Variants in RGPD4 observed in about 807,000 individuals in gnomAD.
The protein encoded by RGPD4 is ranBP2-like and GRIP domain-containing protein 4.
In RGPD4, 84 loss-of-function variants were observed where a neutral mutation model predicts 141.1. The ratio of observed to expected loss-of-function variants is 0.60; its 90% CI spans 0.50 to 0.71. The LOEUF (loss-of-function observed/expected upper bound fraction) is 0.71, where lower values mean the gene tolerates loss of function less well. Among genes scored for constraint, RGPD4 ranks in the 30% least tolerant of loss-of-function variants. The probability of loss-of-function intolerance (pLI) is 0.00; values close to 1 mark genes in which losing one functional copy is unlikely to be tolerated. For missense variants in RGPD4, 918 were observed against 1,622.4 expected (o/e 0.57, Z 7.46); for synonymous variants, 298 against 566.8 (o/e 0.53, Z 6.74).
Position 107,850,710 on chromosome 2 carries a change from G to A in RGPD4, c.978+2174G>A, listed in dbSNP as rs1203287889. ...CGCCCAGGCTGGAGCACAGTGGCAC[G>A]ACCTCGGCTCACTGCAAGCTCCGCC... On this transcript the variant is annotated intron_variant, in intron 7 of 22. Transcript: ENST00000408999. 1.7e-4 allele frequency among the ~76,000 whole-genome samples: 5 copies of A among 29,870 alleles called. 2 individuals are homozygous for A. Among genetic ancestry groups the A allele is most frequent in the Admixed American group, 1.5e-3 (5 of 3,264 alleles). The allele number at this position is 29,870 out of a possible 152,430, so 19.6% of individuals were successfully genotyped here. A position where few individuals can be genotyped will look rare whatever the true frequency, so the allele number is the denominator to read the frequency against.
At chr2:107,827,547 C>T (rs1456780855) in intron 1 of RGPD4, among the ~76,000 whole-genome samples, 6 of 45,788 alleles carry the variant, frequency 1.3e-4, no homozygotes, top group East Asian at 3.9e-4. Context: ...TCATGGCTCC[C>T]GACGGGCGCT....
intron 1 of RGPD4, among the ~76,000 whole-genome samples, chr2:107,829,929 T>A (rs1230786262): frequency 1.3e-5 from 2 of 151,998 alleles, no homozygotes; most frequent in African/African-American, 4.8e-5. Flanking sequence ...CTCCTTGGCC[T>A]GGAGGAACCC....
rs1188067222 is a variant in RGPD4, at chr2:107,872,148, A to G, written c.4144A>G (p.Ile1382Val). The G allele has an allele frequency of 1.2e-6, 2 of 1,611,624 alleles. No individual in the cohort carries two copies. The highest frequency in any genetic ancestry group is 1.7e-5 in the Admixed American group (1 of 59,986). ...GQWKERGIGD[I>V]KILQNYDNKQ... is the part of the protein sequence containing the mutation. ...ATGGAAAGAAAGGGGCATTGGTGAT[A>G]TAAAGATTTTACAGAATTATGATAA... The change falls in exon 20 of 23, where the codon ATA becomes GTA. Residue 1382 changes from isoleucine to valine, a missense_variant. By Grantham distance (29) the Ile-to-Val change is conservative (BLOSUM62 3). Coordinates refer to ENST00000408999, the MANE Select transcript of RGPD4 (RefSeq NM_182588.3).
intron 21 of RGPD4, among the ~76,000 whole-genome samples, chr2:107,882,135 T>A (rs1675384028): frequency 6.6e-6 from 1 of 151,944 alleles, no homozygotes; most frequent in Non-Finnish European, 1.5e-5. Context: ...TCAACTCCAA[T>A]TTCCATGATA....
At chr2:107,846,599 T>C (rs1681955944) in intron 6 of RGPD4, among the ~76,000 whole-genome samples, 1 of 149,532 alleles carries the variant, frequency 6.7e-6, no homozygotes, top group African/African-American at 2.5e-5. Context: ...CCCAAGTAGC[T>C]GGAATTACAG....
intron 21 of RGPD4, among the ~76,000 whole-genome samples, chr2:107,881,132 A>C (rs1675351283): frequency 6.7e-6 from 1 of 149,566 alleles, no homozygotes; most frequent in Non-Finnish European, 1.5e-5. Flanking sequence ...GCCACTAGCT[A>C]TCCTTGTCAG....
intron 21 of RGPD4, among the ~76,000 whole-genome samples, chr2:107,881,905 C>A (rs1425823707): frequency 6.6e-6 from 1 of 151,724 alleles, no homozygotes; most frequent in Non-Finnish European, 1.5e-5. Context: ...TGATTAAGTG[C>A]CGTTCACTGT....
At chr2:107,860,605 G>C (rs1159208011) in intron 12 of RGPD4, among the ~76,000 whole-genome samples, 161 bp from the exon 13 acceptor site, 1 of 148,864 alleles carries the variant, frequency 6.7e-6, no homozygotes, top group South Asian at 2.1e-4. Context: ...TGGTATTAAG[G>C]TGGTTTAGTT....
chr2:107,863,618 G>A (rs1002285580), intron 17 of RGPD4, among the ~76,000 whole-genome samples: 21 of 151,634 alleles, frequency 1.4e-4, no homozygotes, highest in Non-Finnish European at 2.4e-4. Flanking sequence ...TCAGCCTCCC[G>A]AGTAGCTGGG....
chr2:107,880,112 G>T lies in RGPD4; in HGVS notation c.5064+5G>T, dbSNP rs1001967363. The T allele has an allele frequency of 4.3e-6, 7 of 1,611,420 alleles. No individual in the cohort carries two copies. Among genetic ancestry groups the T allele is most frequent in the Non-Finnish European group, 5.9e-6 (7 of 1,179,842 alleles). ...GTCCTTATGGAGCAAATTAAGGTGAGATCAGAAAACCTGGCCACCATGAAA... is the reference window on the plus strand; with the variant it reads ...GTCCTTATGGAGCAAATTAAGGTGATATCAGAAAACCTGGCCACCATGAAA... On this transcript the variant is annotated splice_donor_5th_base_variant and intron_variant, in intron 21 of 22. Coordinates refer to ENST00000408999, the MANE Select transcript of RGPD4 (RefSeq NM_182588.3).
intron 6 of RGPD4, among the ~76,000 whole-genome samples, chr2:107,845,785 C>T (rs1157582208): frequency 7.9e-5 from 12 of 151,694 alleles, no homozygotes; most frequent in African/African-American, 2.7e-4. Context: ...AGGATGGTCT[C>T]GATCTCCTGA....
chr2:107,873,626 A>G (rs984199525), intron 20 of RGPD4, among the ~76,000 whole-genome samples: 1 of 150,212 alleles, frequency 6.7e-6, no homozygotes, highest in Non-Finnish European at 1.5e-5. Context: ...TTCTCATTTT[A>G]TGTGTTGTAT....
chr2:107,854,032 A>G (rs576550591), intron 7 of RGPD4, among the ~76,000 whole-genome samples: 1 of 142,358 alleles, frequency 7.0e-6, no homozygotes, highest in East Asian at 2.0e-4. Flanking sequence ...TACAGGTGTG[A>G]GCCAACATGT....
At chr2:107,853,645 G>C (rs1271489890) in intron 7 of RGPD4, among the ~76,000 whole-genome samples, 70 of 95,768 alleles carry the variant, frequency 7.3e-4, no homozygotes, top group African/African-American at 2.4e-3. Flanking sequence ...TATTTATGCA[G>C]GGTAGAAAAG....
chr2:107,872,115 G>A lies in RGPD4; in HGVS notation c.4111G>A (p.Val1371Ile), dbSNP rs764942397. ...AGAACTCTACAGATATGATAAAGAT[G>A]TTGGTCAATGGAAAGAAAGGGGCAT... ...RAELYRYDKD[V>I]GQWKERGIGD... is the part of the protein sequence containing the mutation. The change falls in exon 20 of 23, where the codon GTT (valine) becomes ATT (isoleucine). Residue 1371 changes from valine to isoleucine, a missense_variant. By Grantham distance (29) the Val-to-Ile change is conservative. Coordinates refer to ENST00000408999, the MANE Select transcript of RGPD4 (RefSeq NM_182588.3). The A allele has an allele frequency of 1.9e-6, 3 of 1,611,314 alleles. No homozygotes were observed. The highest frequency in any genetic ancestry group is 2.2e-5 in the South Asian group (2 of 90,974).
intron 21 of RGPD4, among the ~76,000 whole-genome samples, chr2:107,881,505 G>A (rs867617034): frequency 1.3e-5 from 2 of 151,338 alleles, no homozygotes; most frequent in Non-Finnish European, 1.5e-5. Context: ...TTTACTAGAG[G>A]CATGGTTTCA....
At position 107,871,737 on chromosome 2, in the gene RGPD4, C is replaced by A. The variant is rs1200407378; in HGVS notation, c.3733C>A (p.Pro1245Thr). ...TIKPNPENTG[P>T]TLEWDNCDLR... is the part of the protein sequence containing the mutation. ...AAAACCCAATCCTGAAAACACTGGG[C>A]CCACATTAGAATGGGATAACTGTGA... is the stretch of plus-strand genomic sequence containing the variant. Residue 1245 changes from proline (P) to threonine (T), a missense_variant, in exon 20 of 23, where the codon CCC (proline) becomes ACC (threonine). Physicochemically the swap from Pro to Thr is conservative, Grantham distance 38 (BLOSUM62 -1). Coordinates refer to ENST00000408999, the MANE Select transcript of RGPD4 (RefSeq NM_182588.3). 1 of 1,610,922 alleles carries A rather than the reference C, an allele frequency of 6.2e-7. No homozygotes were observed. The highest frequency in any genetic ancestry group is 1.7e-5 in the Admixed American group (1 of 59,922).
At chr2:107,888,890 C>A (rs1675578273) in intron 22 of RGPD4, among the ~76,000 whole-genome samples, 1 of 142,400 alleles carries the variant, frequency 7.0e-6, no homozygotes, top group Non-Finnish European at 1.5e-5. Flanking sequence ...TGATTGCAGC[C>A]CTGTGAGAGA....
chr2:107,880,317 G>A (rs1675321768), intron 21 of RGPD4, among the ~76,000 whole-genome samples: 1 of 128,228 alleles, frequency 7.8e-6, no homozygotes, highest in Admixed American at 8.9e-5. Context: ...AGGCTGGAGT[G>A]CAGTGGCACG....
Sources: allele counts gnomAD v4.1 joint callset (sites outside exome capture counted in the v4.1 genomes callset), GRCh38; gene constraint gnomAD v4.1.1; transcripts MANE v1.5; gene names NCBI Gene and HGNC (gene_info 2026-07-23, HGNC 2026-07-21).